The following JAK2 variants were observed in gnomAD, a reference collection of about 807,000 sequenced individuals.
JAK2 encodes the protein Janus kinase 2.
JAK2 carries 86 observed loss-of-function variants against 139.3 expected under a neutral mutation model. That is an observed-to-expected ratio of 0.62 (90% CI 0.52 to 0.74). JAK2 has a LOEUF of 0.74. Among genes scored for constraint, JAK2 ranks in the 30% least tolerant of loss-of-function variants. The probability of loss-of-function intolerance (pLI) is 0.00; values close to 1 mark genes in which losing one functional copy is unlikely to be tolerated. For missense variants in JAK2, 1,421 were observed against 1,360.3 expected (o/e 1.04, Z -0.70); for synonymous variants, 490 against 437.7 (o/e 1.12, Z -1.49).
At chr9:5,064,707 G>C (rs1193529700) in intron 8 of JAK2, among the ~76,000 whole-genome samples, 176 bp from the exon 9 acceptor site, 1 of 152,116 alleles carries the variant, frequency 6.6e-6, no homozygotes, top group Non-Finnish European at 1.5e-5. Context: ...TCTGTATTTA[G>C]GAGGATCTTA....
chr9:5,116,074 AC>A (rs1328239191), intron 22 of JAK2, among the ~76,000 whole-genome samples: 5 of 152,166 alleles, frequency 3.3e-5, no homozygotes, highest in Non-Finnish European at 5.9e-5. Flanking sequence ...TAAAAAAAAA[AC>A]AGTGAACATT....
At chr9:5,010,611 C>CG (rs1344935870) in intron 2 of JAK2, among the ~76,000 whole-genome samples, 1 of 152,160 alleles carries the variant, frequency 6.6e-6, no homozygotes, top group Non-Finnish European at 1.5e-5. Context: ...TGGGCCACCA[C>CG]GCCTGGCTGT....
At chr9:5,112,634 G>C (rs1048425523) in intron 22 of JAK2, 1 of 998,112 alleles carries the variant, frequency 1.0e-6, no homozygotes, top group Non-Finnish European at 1.4e-6. Context: ...CCTCAACAGC[G>C]AGAAGCCCCA....
At chr9:5,026,920 A>C (rs756543925) in intron 3 of JAK2, among the ~76,000 whole-genome samples, 1 of 152,246 alleles carries the variant, frequency 6.6e-6, no homozygotes, top group Non-Finnish European at 1.5e-5. Flanking sequence ...TGTAAATTAA[A>C]ATAGCCCAAA....
intron 2 of JAK2, among the ~76,000 whole-genome samples, chr9:4,986,569 A>G (rs1424262511): frequency 6.6e-6 from 1 of 152,216 alleles, no homozygotes; most frequent in Non-Finnish European, 1.5e-5. Context: ...GGAAGTGGGA[A>G]TAAGGGAAAT....
At chr9:5,107,054 C>T (rs1228311336) in intron 22 of JAK2, among the ~76,000 whole-genome samples, 3 of 152,122 alleles carry the variant, frequency 2.0e-5, no homozygotes, top group Non-Finnish European at 2.9e-5. Context: ...CATCACTTTA[C>T]ATCCAACCAG....
intron 4 of JAK2, among the ~76,000 whole-genome samples, chr9:5,030,836 G>T (rs1023152639): frequency 5.3e-5 from 8 of 151,884 alleles, no homozygotes; most frequent in African/African-American, 1.9e-4. Context: ...TGTATAATTT[G>T]CACTGAGTTC....
At chr9:5,009,490 C>G (rs944548125) in intron 2 of JAK2, among the ~76,000 whole-genome samples, 2 of 151,552 alleles carry the variant, frequency 1.3e-5, no homozygotes, top group Admixed American at 6.6e-5. Context: ...TTTTCATAAT[C>G]TAGTGATGCT....
At chr9:5,107,353 A>G (rs1280048187) in intron 22 of JAK2, among the ~76,000 whole-genome samples, 2 of 152,124 alleles carry the variant, frequency 1.3e-5, no homozygotes, top group Non-Finnish European at 1.5e-5. Flanking sequence ...ATTTGACCCA[A>G]TAACCTCCAA....
chr9:5,124,772 G>T (rs1823868083), intron 23 of JAK2, among the ~76,000 whole-genome samples: 1 of 151,506 alleles, frequency 6.6e-6, no homozygotes, highest in Admixed American at 6.6e-5. Context: ...ATAGCCAACT[G>T]ATCTTTGACA....
At chr9:5,121,173 C>G (rs1365986152) in intron 22 of JAK2, among the ~76,000 whole-genome samples, 2 of 151,898 alleles carry the variant, frequency 1.3e-5, no homozygotes, top group African/African-American at 4.8e-5. Context: ...AACCTTTCCA[C>G]AAAGATAGAA....
intron 4 of JAK2, among the ~76,000 whole-genome samples, chr9:5,031,631 G>A (rs2130171398): frequency 6.6e-6 from 1 of 152,320 alleles, no homozygotes; most frequent in South Asian, 2.1e-4. Context: ...ATAAAAGTCT[G>A]AATTGGAACT....
At chr9:5,030,306 G>T (rs1823063388) in intron 4 of JAK2, among the ~76,000 whole-genome samples, 5 of 152,116 alleles carry the variant, frequency 3.3e-5, no homozygotes. Context: ...GTGAAGAAAA[G>T]AGACTTTTCC....
rs1000749564 is a variant in JAK2 at position 4,986,553 on chromosome 9, G to T, written c.-26+531G>T. On this transcript the variant is annotated intron_variant, in intron 2 of 24. Transcript: ENST00000381652. ...GTAGGAGCGGCTGAGTATGGAGAAG[G>T]AAACTGGAAGTGGGAATAAGGGAAA... is the stretch of plus-strand genomic sequence containing the variant. Among the ~76,000 whole-genome samples the T allele has an allele frequency of 2.0e-5, 3 of 152,330 alleles. No individual in the cohort carries two copies. The East Asian group carries it at 5.8e-4, about 29-fold the overall frequency.
chr9:5,084,944 A>C (rs751200191), intron 19 of JAK2: 1 of 633,154 alleles, frequency 1.6e-6, no homozygotes, highest in Middle Eastern at 3.2e-4. Flanking sequence ...GTATTCCACA[A>C]AATTCTTAGG....
chr9:5,075,880 A>G (rs1401804093), intron 14 of JAK2, among the ~76,000 whole-genome samples: 1 of 152,232 alleles, frequency 6.6e-6, no homozygotes, highest in Non-Finnish European at 1.5e-5. Flanking sequence ...AGGATTCACC[A>G]TTCTAGATGC....
chr9:5,019,553 CT>C (rs1465065156), intron 2 of JAK2, among the ~76,000 whole-genome samples: 1 of 152,116 alleles, frequency 6.6e-6, no homozygotes, highest in East Asian at 1.9e-4. Flanking sequence ...GCATTGGAAT[CT>C]TTTGGTAGAA....
intron 2 of JAK2, among the ~76,000 whole-genome samples, chr9:5,021,052 C>G (rs1237597713): frequency 6.6e-6 from 1 of 152,120 alleles, no homozygotes; most frequent in East Asian, 1.9e-4. Flanking sequence ...TCTCTTGTGT[C>G]TGGGATTGCA....
chr9:5,115,901 C>T (rs1823120287), intron 22 of JAK2, among the ~76,000 whole-genome samples: 1 of 152,082 alleles, frequency 6.6e-6, no homozygotes, highest in South Asian at 2.1e-4. Context: ...ACACCAGGGC[C>T]TGTTGTTGGG....
Sources: gnomAD v4.1 joint callset for allele counts (sites outside exome capture counted in the v4.1 genomes callset) on GRCh38, gnomAD v4.1.1 for gene constraint, MANE v1.5 for transcripts, NCBI Gene and HGNC (gene_info 2026-07-23, HGNC 2026-07-21) for gene names.